The following REEP3 variants were observed in gnomAD, a reference collection of about 807,000 sequenced individuals.
The protein encoded by REEP3 is receptor expression-enhancing protein 3.
REEP3 carries 20 observed loss-of-function variants against 41.3 expected under a neutral mutation model. That is an observed-to-expected ratio of 0.48 (90% CI 0.34 to 0.70). The LOEUF is 0.70. Among genes scored for constraint, REEP3 ranks in the 30% least tolerant of loss-of-function variants. The probability of loss-of-function intolerance (pLI) is 0.01; values close to 1 mark genes in which losing one functional copy is unlikely to be tolerated. For synonymous variants in REEP3, 104 were observed against 101.8 expected (o/e 1.02, Z -0.13); for missense variants, 271 against 308.8 (o/e 0.88, Z 0.92).
At chr10:63,559,285 A>G (rs1366102470) in intron 1 of REEP3, among the ~76,000 whole-genome samples, 1 of 152,196 alleles carries the variant, frequency 6.6e-6, no homozygotes, top group East Asian at 1.9e-4. Flanking sequence ...TCTCCATTTT[A>G]GTAGTGATTT....
At chr10:63,599,341 G>T in intron 5 of REEP3, 58 bp downstream of exon 5, 2 of 716,562 alleles carry the variant, frequency 2.8e-6, no homozygotes, top group Non-Finnish European at 4.3e-6. Flanking sequence ...AATAAAGGTG[G>T]CTTCTTATTT....
intron 1 of REEP3, 79 bp downstream of exon 1, chr10:63,521,656 G>A: frequency 9.1e-7 from 1 of 1,095,714 alleles, no homozygotes; most frequent in South Asian, 2.3e-5. Flanking sequence ...CGAGAGGAAA[G>A]GGAAGGCCTG....
intron 2 of REEP3, among the ~76,000 whole-genome samples, chr10:63,573,108 C>T (rs933305741): frequency 6.6e-6 from 1 of 152,218 alleles, no homozygotes; most frequent in Non-Finnish European, 1.5e-5. Context: ...CAACTACTAC[C>T]ATTCCCCTTA....
chr10:63,596,322 C>T (rs1054713795), intron 3 of REEP3, among the ~76,000 whole-genome samples: 2 of 142,846 alleles, frequency 1.4e-5, no homozygotes, highest in Non-Finnish European at 3.1e-5. Flanking sequence ...GATCCCCAAC[C>T]GTGCTACATC....
chr10:63,580,703 A>G (rs908441285), intron 2 of REEP3, among the ~76,000 whole-genome samples: 1 of 152,176 alleles, frequency 6.6e-6, no homozygotes, highest in Non-Finnish European at 1.5e-5. Flanking sequence ...GACATAGAAA[A>G]TATTAAACTA....
In REEP3 at chr10:63,553,980, T is replaced by C. The variant is rs190207887; in HGVS notation, c.33-12358T>C. Reference sequence around the variant, plus strand: ...AGCTGGGCGTGGTGGCAGGCGCCTGTAGTCCCAGCTACTCAGGAGGCTGAG... The same window carrying C: ...AGCTGGGCGTGGTGGCAGGCGCCTGCAGTCCCAGCTACTCAGGAGGCTGAG... On this transcript the variant is annotated intron_variant, in intron 1 of 7. Coordinates refer to ENST00000373758, the MANE Select transcript of REEP3 (RefSeq NM_001001330.3). Among the ~76,000 whole-genome samples, 13 of 152,020 alleles carry C rather than the reference T, an allele frequency of 8.6e-5. No homozygotes were observed. The East Asian group carries it at 2.5e-3, about 30-fold the overall frequency.
rs555752729 is a variant in REEP3 at position 63,526,247 on chromosome 10, A to T, written c.32+4670A>T. On this transcript the variant is annotated intron_variant, in intron 1 of 7. Coordinates refer to ENST00000373758, the MANE Select transcript of REEP3 (RefSeq NM_001001330.3). ...TCTATGTTGCTCTGAAATCCTATTT[A>T]GTATCTTCTGTTTGATCAGGCCAGT... is the stretch of plus-strand genomic sequence containing the variant. Among the ~76,000 whole-genome samples, 4 of 152,268 alleles carry T rather than the reference A, an allele frequency of 2.6e-5. No homozygotes were observed. In the South Asian group the frequency reaches 8.3e-4, roughly 32 times the overall value.
intron 1 of REEP3, among the ~76,000 whole-genome samples, chr10:63,553,367 A>G (rs1190330261): frequency 6.6e-6 from 1 of 152,214 alleles, no homozygotes; most frequent in African/African-American, 2.4e-5. Flanking sequence ...AAAAAGCGAT[A>G]GCAAGTTCAC....
At position 63,625,069 on chromosome 10, in the gene REEP3, T is replaced by C. The variant is rs1355228342; in HGVS notation, c.*4200T>C. 3 of 152,148 alleles carry C rather than the reference T, an allele frequency of 2.0e-5. No individual in the cohort carries two copies. The highest frequency in any genetic ancestry group is 7.2e-5 in the African/African-American group (3 of 41,452). 9.4% of individuals were successfully genotyped at this position (152,148 alleles called of 1,614,324 possible). On this transcript the variant is annotated 3_prime_UTR_variant, in exon 8 of 8. Coordinates refer to ENST00000373758, the MANE Select transcript of REEP3 (RefSeq NM_001001330.3). ...AATTATTTTCATTTTCATTATGAGG[T>C]ATATACTTGTAATGATCTAAAGAGG...
At chr10:63,521,751 G>C in intron 1 of REEP3, 174 bp downstream of exon 1, 2 of 372,452 alleles carry the variant, frequency 5.4e-6, no homozygotes, top group Non-Finnish European at 9.5e-6. Context: ...GGTCCACGTC[G>C]CTGCGGAGCT....
chr10:63,547,674 A>G (rs982394480), intron 1 of REEP3, among the ~76,000 whole-genome samples: 1 of 152,226 alleles, frequency 6.6e-6, no homozygotes, highest in Non-Finnish European at 1.5e-5. Context: ...AATTTAGCCT[A>G]AAATGTGAAT....
At chr10:63,581,079 A>G (rs898863842) in intron 2 of REEP3, among the ~76,000 whole-genome samples, 1 of 152,176 alleles carries the variant, frequency 6.6e-6, no homozygotes, top group Non-Finnish European at 1.5e-5. Flanking sequence ...TCAGCTAAAG[A>G]TTATATTATT....
At chr10:63,610,385 G>C in intron 6 of REEP3, 51 bp downstream of exon 6, 2 of 1,531,150 alleles carry the variant, frequency 1.3e-6, no homozygotes, top group Non-Finnish European at 1.8e-6. Flanking sequence ...AACAGGGAGG[G>C]GAACAACATA....
At chr10:63,607,931 T>G (rs1332302102) in intron 5 of REEP3, among the ~76,000 whole-genome samples, 1 of 152,230 alleles carries the variant, frequency 6.6e-6, no homozygotes, top group Non-Finnish European at 1.5e-5. Context: ...TCCTGAAATG[T>G]ACCTTCTTGA....
intron 1 of REEP3, among the ~76,000 whole-genome samples, chr10:63,561,317 T>C (rs1027780318): frequency 1.3e-5 from 2 of 152,100 alleles, no homozygotes; most frequent in Non-Finnish European, 2.9e-5. Flanking sequence ...TAGCGGTAAT[T>C]TAGAAGTTTA....
Position 63,619,762 on chromosome 10 carries a change from A to G in REEP3, c.673A>G (p.Ser225Gly), listed in dbSNP as rs969641778. The change falls in exon 7 of 8, where the codon AGC becomes GGC. Residue 225 changes from serine (S) to glycine (G), a missense_variant. Ser to Gly is a moderately conservative substitution (Grantham distance 56, BLOSUM62 0). Transcript: ENST00000373758. Reference protein sequence around the residue: ...LTHKGLRRSQSMKSVKTTKGR... With the variant: ...LTHKGLRRSQGMKSVKTTKGR... ...ACACAAAGGGCTTCGAAGATCGCAAAGCATGAAATCTGTGAAAACCACCAA... is the reference window on the plus strand; with the variant it reads ...ACACAAAGGGCTTCGAAGATCGCAAGGCATGAAATCTGTGAAAACCACCAA... The G allele has an allele frequency of 1.8e-5, 29 of 1,610,254 alleles. No homozygotes were observed. The highest frequency in any genetic ancestry group is 2.2e-5 in the Non-Finnish European group (26 of 1,178,316).
intron 1 of REEP3, among the ~76,000 whole-genome samples, chr10:63,535,785 GA>G (rs926091474): frequency 6.6e-6 from 1 of 150,416 alleles, no homozygotes; most frequent in East Asian, 1.9e-4. Context: ...TTATCTCTCA[GA>G]AAAAAAAATT....
At chr10:63,594,625 C>G (rs1360929930) in intron 2 of REEP3, among the ~76,000 whole-genome samples, 153 bp from the exon 3 acceptor site, 1 of 152,204 alleles carries the variant, frequency 6.6e-6, no homozygotes. Flanking sequence ...TAAACCATCA[C>G]TTTCTGCGTT....
At chr10:63,595,274 G>A (rs1009835543) in intron 3 of REEP3, among the ~76,000 whole-genome samples, 6 of 152,162 alleles carry the variant, frequency 3.9e-5, no homozygotes, top group African/African-American at 7.2e-5. Flanking sequence ...ACTGGAAAAC[G>A]TCAGCACCCA....
Sources: allele counts gnomAD v4.1 joint callset (sites outside exome capture counted in the v4.1 genomes callset), GRCh38; gene constraint gnomAD v4.1.1; transcripts MANE v1.5; gene names NCBI Gene and HGNC (gene_info 2026-07-23, HGNC 2026-07-21).